The following KIAA1549L variants were observed in gnomAD, a reference collection of about 807,000 sequenced individuals.
The protein encoded by KIAA1549L is KIAA1549 like.
In KIAA1549L, 88 loss-of-function variants were observed where a neutral mutation model predicts 160.7. The ratio of observed to expected loss-of-function variants is 0.55; its 90% CI spans 0.46 to 0.65. The LOEUF (loss-of-function observed/expected upper bound fraction) is 0.65. KIAA1549L is among the 30% of genes least tolerant of loss of function. The probability of loss-of-function intolerance (pLI) is 0.00; values close to 1 mark genes in which losing one functional copy is unlikely to be tolerated. For missense variants in KIAA1549L, 2,258 were observed against 2,437.5 expected (o/e 0.93, Z 1.55); for synonymous variants, 950 against 976.7 (o/e 0.97, Z 0.51).
At chr11:33,408,781 C>A (rs1035110564) in intron 1 of KIAA1549L, among the ~76,000 whole-genome samples, 235 of 115,134 alleles carry the variant, frequency 2.0e-3, no homozygotes, top group Non-Finnish European at 2.3e-3. Context: ...ACTAAAAATA[C>A]AAAAAAAAAA....
chr11:33,447,641 A>G (rs894571516), intron 1 of KIAA1549L, among the ~76,000 whole-genome samples: 26 of 151,390 alleles, frequency 1.7e-4, no homozygotes, highest in African/African-American at 6.1e-4. Context: ...ACACACACAC[A>G]CACACAAAAT....
intron 6 of KIAA1549L, among the ~76,000 whole-genome samples, chr11:33,553,678 CTT>C (rs1192351272): frequency 5.9e-5 from 9 of 152,164 alleles, no homozygotes; most frequent in South Asian, 2.1e-4. Flanking sequence ...TGTGGGAACT[CTT>C]TTTCTTTCTG....
At chr11:33,591,778 C>T (rs1387350394) in intron 12 of KIAA1549L, among the ~76,000 whole-genome samples, 1 of 152,212 alleles carries the variant, frequency 6.6e-6, no homozygotes, top group Non-Finnish European at 1.5e-5. Flanking sequence ...ATAGGGGTTT[C>T]TGATTTCAGT....
chr11:33,496,669 G>T (rs918017726), intron 1 of KIAA1549L, among the ~76,000 whole-genome samples: 9 of 151,976 alleles, frequency 5.9e-5, no homozygotes, highest in African/African-American at 1.7e-4. Flanking sequence ...ACAACAACCC[G>T]CTCCCACCCC....
rs1430722728 is a variant in KIAA1549L, at chr11:33,674,073, T to C, written c.*5919T>C. 6.6e-6 allele frequency: 1 copy of C among 152,168 alleles called. No individual in the cohort carries two copies. Among genetic ancestry groups the C allele is most frequent in the Non-Finnish European group, 1.5e-5 (1 of 68,018 alleles). 9.4% of individuals were successfully genotyped at this position (152,168 alleles called of 1,614,324 possible). A position where few individuals can be genotyped will look rare whatever the true frequency, so the allele number is the denominator to read the frequency against. On this transcript the variant is annotated 3_prime_UTR_variant, in exon 21 of 21. Transcript: ENST00000658780. ...GCTGTTAGAATTTTTTATTGTAAAATAAAATGACAAAGGCTTTCATACCCC... is the reference window on the plus strand; with the variant it reads ...GCTGTTAGAATTTTTTATTGTAAAACAAAATGACAAAGGCTTTCATACCCC...
At chr11:33,559,672 C>A (rs1000148308) in intron 6 of KIAA1549L, 77 bp from the exon 7 acceptor site, 2 of 1,270,922 alleles carry the variant, frequency 1.6e-6, no homozygotes, top group Non-Finnish European at 2.3e-6. Flanking sequence ...TTAGCCTCCC[C>A]CTCCCATGGC....
chr11:33,536,884 C>G (rs7119075), intron 1 of KIAA1549L, among the ~76,000 whole-genome samples: 13,774 of 152,212 alleles, frequency 0.09, 873 homozygotes, highest in East Asian at 0.3. Flanking sequence ...CAGCCATTGT[C>G]TCTTTCCCGT....
chr11:33,499,046 G>T (rs1002316891), intron 1 of KIAA1549L, among the ~76,000 whole-genome samples: 4 of 148,722 alleles, frequency 2.7e-5, no homozygotes, highest in Admixed American at 2.0e-4. Context: ...TTTGTGCTCA[G>T]TTTTTTTTTT....
At chr11:33,664,779 A>G (rs1852385108) in intron 20 of KIAA1549L, among the ~76,000 whole-genome samples, 1 of 152,210 alleles carries the variant, frequency 6.6e-6, no homozygotes, top group South Asian at 2.1e-4. Flanking sequence ...ACTGTGAGAA[A>G]GAAATTTCTG....
At chr11:33,628,859 T>A (rs1290353391) in intron 16 of KIAA1549L, among the ~76,000 whole-genome samples, 1 of 152,130 alleles carries the variant, frequency 6.6e-6, no homozygotes, top group Non-Finnish European at 1.5e-5. Flanking sequence ...GCTTGTTAGT[T>A]CATGCAGTTT....
rs373071582 is a variant in KIAA1549L, at chr11:33,547,870, C to T, written c.3492C>T (p.Val1164=). ...ALRKAFHQND[V]SAHVDILEYS... Reference sequence around the variant, plus strand: ...GGAAGGCTTTCCACCAGAACGATGTCTCAGCTCACGTAAGTGCTTTGCTTT... The same window carrying T: ...GGAAGGCTTTCCACCAGAACGATGTTTCAGCTCACGTAAGTGCTTTGCTTT... Residue 1164 remains valine (V), a synonymous_variant, in exon 4 of 21, where the codon GTC becomes GTT. Transcript: ENST00000658780. The T allele has an allele frequency of 2.9e-5, 47 of 1,608,990 alleles. 1 individual carries two copies. The African/African-American group carries it at 4.8e-4, about 16-fold the overall frequency.
chr11:33,598,997 C>T (rs1850284104), intron 13 of KIAA1549L, 50 bp downstream of exon 13: 2 of 1,602,306 alleles, frequency 1.2e-6, no homozygotes, highest in Non-Finnish European at 1.7e-6. Flanking sequence ...CCACGCGTGC[C>T]CGCACACACA....
chr11:33,643,255 T>A (rs540833382), intron 16 of KIAA1549L, among the ~76,000 whole-genome samples: 3 of 152,184 alleles, frequency 2.0e-5, no homozygotes, highest in African/African-American at 7.2e-5. Flanking sequence ...GTAGCACTTA[T>A]GTATGTGTGT....
At chr11:33,384,264 G>A (rs1850129642) in intron 1 of KIAA1549L, among the ~76,000 whole-genome samples, 1 of 152,180 alleles carries the variant, frequency 6.6e-6, no homozygotes. Flanking sequence ...CTTTCACTTA[G>A]CATAATGCTC....
At chr11:33,442,138 T>C (rs1334594706) in intron 1 of KIAA1549L, among the ~76,000 whole-genome samples, 2 of 152,090 alleles carry the variant, frequency 1.3e-5, no homozygotes, top group Non-Finnish European at 1.5e-5. Context: ...TTTCTACATA[T>C]GGCTAGCCAG....
chr11:33,459,484 C>T (rs932065200), intron 1 of KIAA1549L, among the ~76,000 whole-genome samples: 1 of 152,210 alleles, frequency 6.6e-6, no homozygotes, highest in Non-Finnish European at 1.5e-5. Flanking sequence ...TTATGATGCT[C>T]AGCCCAGGAG....
At chr11:33,664,736 G>A (rs187277720) in intron 20 of KIAA1549L, among the ~76,000 whole-genome samples, 98 of 152,272 alleles carry the variant, frequency 6.4e-4, no homozygotes, top group Admixed American at 2.7e-3. Context: ...AGAATCTGCC[G>A]GCACTTTGAT....
At chr11:33,377,802 A>T (rs1849987297) in intron 1 of KIAA1549L, among the ~76,000 whole-genome samples, 1 of 152,168 alleles carries the variant, frequency 6.6e-6, no homozygotes, top group South Asian at 2.1e-4. Context: ...CCCCTCCCCC[A>T]AATTAGATTA....
At chr11:33,587,336 G>A (rs1179286425) in intron 11 of KIAA1549L, among the ~76,000 whole-genome samples, 2 of 152,146 alleles carry the variant, frequency 1.3e-5, no homozygotes, top group East Asian at 3.8e-4. Context: ...TGTGTCTAAT[G>A]GGCAGTTGAT....
Sources: allele counts gnomAD v4.1 joint callset (sites outside exome capture counted in the v4.1 genomes callset), GRCh38; gene constraint gnomAD v4.1.1; transcripts MANE v1.5; gene names NCBI Gene and HGNC (gene_info 2026-07-23, HGNC 2026-07-21).